The following POM121C variants were observed in gnomAD, a reference collection of about 807,000 sequenced individuals.
POM121C encodes POM121 transmembrane nucleoporin C.
POM121C carries 20 observed loss-of-function variants against 66.4 expected under a neutral mutation model. The ratio of observed to expected loss-of-function variants is 0.30; its 90% CI spans 0.21 to 0.44. The LOEUF is 0.44. POM121C is among the 20% of genes least tolerant of loss of function. The pLI is 1.00. For synonymous variants in POM121C, 286 were observed against 528.0 expected, an observed-to-expected ratio of 0.54 and a Z score of 6.28; for missense variants, 580 against 1,225.7, an observed-to-expected ratio of 0.47 and a Z score of 7.87.
chr7:75,456,795 A>G (rs1407977144), intron 3 of POM121C, among the ~76,000 whole-genome samples: 1 of 152,226 alleles, frequency 6.6e-6, no homozygotes, highest in Non-Finnish European at 1.5e-5. Flanking sequence ...TCCATAGGAG[A>G]TGGAATAAGC....
Position 75,419,319 on chromosome 7 carries a change from C to T in POM121C, c.2866+1G>A, listed in dbSNP as rs782417252. On this transcript the variant is annotated splice_donor_variant, in intron 14 of 14. Transcript: ENST00000615331. LOFTEE classifies it high-confidence loss of function. The stretch of plus-strand genomic sequence containing the variant: ...GGGCCACAGGGTGGCTTGCTGCTTA[C>T]CGAACGGTCCAACACCAACAAAGCC... 1.9e-6 allele frequency: 3 copies of T among 1,610,298 alleles called. No homozygotes were observed. The highest frequency in any genetic ancestry group is 2.5e-6 in the Non-Finnish European group (3 of 1,178,380).
intron 3 of POM121C, among the ~76,000 whole-genome samples, chr7:75,455,818 C>T (rs1188273171): frequency 5.9e-5 from 9 of 152,294 alleles, no homozygotes; most frequent in African/African-American, 2.2e-4. Context: ...GTCTATTTCT[C>T]CCACTCTGGC....
chr7:75,441,977 G>A (rs1438171249), intron 3 of POM121C, among the ~76,000 whole-genome samples: 2 of 138,874 alleles, frequency 1.4e-5, no homozygotes, highest in African/African-American at 5.2e-5. Flanking sequence ...CACCAAGCAA[G>A]AGTCAGAGGC....
intron 5 of POM121C, among the ~76,000 whole-genome samples, chr7:75,440,376 G>A (rs1554473744): frequency 6.6e-6 from 1 of 151,178 alleles, no homozygotes; most frequent in Non-Finnish European, 1.5e-5. Flanking sequence ...GACCATCCTG[G>A]CCAATATGGT....
chr7:75,479,444 C>T (rs1463015061), intron 1 of POM121C, among the ~76,000 whole-genome samples: 13 of 148,342 alleles, frequency 8.8e-5, no homozygotes, highest in African/African-American at 3.0e-4. Flanking sequence ...GGCGAAACCT[C>T]GTCTCTACTA....
intron 1 of POM121C, among the ~76,000 whole-genome samples, chr7:75,479,867 G>A (rs1792244637): frequency 1.3e-5 from 2 of 152,038 alleles, no homozygotes; most frequent in Non-Finnish European, 2.9e-5. Context: ...TAACAAAACA[G>A]TGTGATAGCT....
intron 3 of POM121C, among the ~76,000 whole-genome samples, chr7:75,468,879 A>G (rs1305291578): frequency 1.1e-4 from 17 of 152,294 alleles, no homozygotes; most frequent in African/African-American, 4.1e-4. Context: ...AAAACATTAA[A>G]AATTGTTTTC....
chr7:75,437,811 C>T, intron 6 of POM121C, 125 bp from the exon 7 acceptor site: 3 of 1,370,496 alleles, frequency 2.2e-6, no homozygotes, highest in South Asian at 1.8e-5. Context: ...ATTTTTACTG[C>T]TAACAATCTG....
intron 3 of POM121C, among the ~76,000 whole-genome samples, chr7:75,459,629 TGAA>T (rs1791381669): frequency 7.3e-6 from 1 of 137,268 alleles, no homozygotes; most frequent in Admixed American, 7.6e-5. Flanking sequence ...AAGAAAGAAA[TGAA>T]GAAAAATCCA....
At chr7:75,430,391 G>T (rs1790119923) in intron 7 of POM121C, among the ~76,000 whole-genome samples, 1 of 152,160 alleles carries the variant, frequency 6.6e-6, no homozygotes, top group South Asian at 2.1e-4. Flanking sequence ...CAAAGGCAGT[G>T]CTGCAGAGAA....
Position 75,422,818 on chromosome 7 carries a change from G to A in POM121C, c.1434C>T (p.Leu478=), listed in dbSNP as rs1320232849. ...TAPPKSEKEG[L]TPPGPSVSAT... ...CTGAGACTGAAGGGCCAGGCGGTGTGAGGCCTTCCTTCTCACTCTTGGGTG... is the reference window on the plus strand; with the variant it reads ...CTGAGACTGAAGGGCCAGGCGGTGTAAGGCCTTCCTTCTCACTCTTGGGTG... The change falls in exon 13 of 15, where the codon CTC becomes CTT. Residue 478 remains leucine, a synonymous_variant. Coordinates refer to ENST00000615331, the MANE Select transcript of POM121C (RefSeq NM_001099415.3). The A allele has an allele frequency of 4.2e-6, 4 of 952,162 alleles. No homozygotes were observed. The African/African-American group carries it at 5.7e-5, about 14-fold the overall frequency. The allele number at this position is 952,162 out of a possible 1,614,324, so 59.0% of individuals were successfully genotyped here.
At chr7:75,424,771 C>T (rs1789869101) in intron 10 of POM121C, 143 bp from the exon 11 acceptor site, 3 of 1,305,874 alleles carry the variant, frequency 2.3e-6, no homozygotes, top group Non-Finnish European at 3.3e-6. Context: ...CTGGCCTGGC[C>T]AACATGGTGA....
intron 3 of POM121C, among the ~76,000 whole-genome samples, chr7:75,461,720 C>T (rs1253076010): frequency 1.3e-5 from 2 of 151,912 alleles, no homozygotes; most frequent in African/African-American, 2.4e-5. Context: ...CAAAACAAAT[C>T]TTAAGAAATG....
chr7:75,482,951 G>A (rs4730404), intron 1 of POM121C, among the ~76,000 whole-genome samples: 1 of 152,180 alleles, frequency 6.6e-6, no homozygotes, highest in Admixed American at 6.5e-5. Flanking sequence ...ACGAAAACAC[G>A]GAGAAGTGAA....
chr7:75,479,341 T>C (rs1278075919), intron 1 of POM121C, among the ~76,000 whole-genome samples: 2 of 152,106 alleles, frequency 1.3e-5, no homozygotes, highest in Admixed American at 1.3e-4. Flanking sequence ...CTGGGCCAAG[T>C]GTGGTGGCTC....
intron 3 of POM121C, among the ~76,000 whole-genome samples, chr7:75,452,352 A>G (rs1186424178): frequency 6.6e-6 from 1 of 151,958 alleles, no homozygotes; most frequent in Non-Finnish European, 1.5e-5. Context: ...CCCAGCTACT[A>G]GGGAGGATGA....
intron 1 of POM121C, 135 bp downstream of exon 1, chr7:75,485,729 C>A: frequency 5.3e-6 from 2 of 380,538 alleles, no homozygotes; most frequent in South Asian, 3.8e-5. Context: ...GCAGCCGGAC[C>A]CTGCCCTCAA....
chr7:75,485,556 G>A (rs1428122631), intron 1 of POM121C, among the ~76,000 whole-genome samples: 1 of 152,144 alleles, frequency 6.6e-6, no homozygotes, highest in Non-Finnish European at 1.5e-5. Flanking sequence ...AAGTGCTGAC[G>A]GACGTTTAGA....
At chr7:75,443,968 A>G in intron 3 of POM121C, among the ~76,000 whole-genome samples, 1 of 76,076 alleles carries the variant, frequency 1.3e-5, no homozygotes, top group African/African-American at 3.8e-5. Context: ...AAAAGTTGTG[A>G]TAAAGGGGAA....
Sources: allele counts gnomAD v4.1 joint callset (sites outside exome capture counted in the v4.1 genomes callset), GRCh38; gene constraint gnomAD v4.1.1; transcripts MANE v1.5; gene names NCBI Gene and HGNC (gene_info 2026-07-23, HGNC 2026-07-21).